The following FCHO2 variants were observed in gnomAD, a reference collection of about 807,000 sequenced individuals.
FCHO2 encodes F-BAR domain only protein 2.
Under a neutral mutation model 114.1 loss-of-function variants are expected in FCHO2, and 43 were observed. The ratio of observed to expected loss-of-function variants is 0.38; its 90% CI spans 0.30 to 0.49. The LOEUF is 0.49. Among genes scored for constraint, FCHO2 ranks in the 20% least tolerant of loss-of-function variants. The probability of loss-of-function intolerance (pLI) is 0.97; values close to 1 mark genes in which losing one functional copy is unlikely to be tolerated. For missense variants in FCHO2, 807 were observed against 950.4 expected (o/e 0.85, Z 1.98); for synonymous variants, 293 against 315.2 (o/e 0.93, Z 0.75).
Position 73,087,534 on chromosome 5 carries a change from A to G in FCHO2, c.2246-55A>G, listed in dbSNP as rs1743350641. On this transcript the variant is annotated intron_variant, in intron 24 of 25. Transcript: ENST00000430046. ...TTAGCTTACTTGCTCATTTGATTCT[A>G]TTTTGTTTGAAATGTATTTTACCCT... 11 of 1,579,994 alleles carry G rather than the reference A, an allele frequency of 7.0e-6. No homozygotes were observed. The South Asian group carries it at 1.0e-4, about 15-fold the overall frequency.
At chr5:73,034,227 C>T (rs956525795) in intron 8 of FCHO2, among the ~76,000 whole-genome samples, 3 of 151,944 alleles carry the variant, frequency 2.0e-5, no homozygotes, top group African/African-American at 7.3e-5. Flanking sequence ...AGATGAGGTC[C>T]CAAGCTTATG....
intron 7 of FCHO2, among the ~76,000 whole-genome samples, chr5:73,016,090 A>G (rs988681030): frequency 6.6e-6 from 1 of 152,070 alleles, no homozygotes; most frequent in Non-Finnish European, 1.5e-5. Flanking sequence ...TTCCACAAAT[A>G]TAAAAGGTTT....
chr5:73,056,853 G>C (rs1757620418), intron 16 of FCHO2, among the ~76,000 whole-genome samples: 2 of 152,010 alleles, frequency 1.3e-5, no homozygotes. Flanking sequence ...AGGCTAGAAG[G>C]CATGTTGCCA....
At chr5:73,072,011 G>C (rs1742680462) in intron 19 of FCHO2, among the ~76,000 whole-genome samples, 1 of 151,580 alleles carries the variant, frequency 6.6e-6, no homozygotes, top group Admixed American at 6.6e-5. Flanking sequence ...ATATTCATTT[G>C]TGTGAGTTAC....
intron 11 of FCHO2, among the ~76,000 whole-genome samples, chr5:73,048,424 G>A (rs1312139838): frequency 6.6e-6 from 1 of 152,066 alleles, no homozygotes; most frequent in East Asian, 1.9e-4. Context: ...CAGCCTGGGT[G>A]ACAGAGTGAG....
chr5:73,077,312 A>C, intron 20 of FCHO2, 26 bp from the exon 21 acceptor site: 2 of 1,545,724 alleles, frequency 1.3e-6, no homozygotes, highest in Middle Eastern at 1.7e-4. Flanking sequence ...ATTTTATTTA[A>C]ACACTTTTCA....
chr5:73,021,341 A>C, intron 8 of FCHO2: 1 of 395,936 alleles, frequency 2.5e-6, no homozygotes, highest in Non-Finnish European at 4.8e-6. Context: ...GGAGGGAAGG[A>C]GGGAGGGTGA....
chr5:72,961,707 GC>G (rs909704838), intron 1 of FCHO2, among the ~76,000 whole-genome samples: 26 of 151,946 alleles, frequency 1.7e-4, no homozygotes, highest in African/African-American at 6.3e-4. Flanking sequence ...CAATTCTCCT[GC>G]CTTAGCCTCC....
At chr5:73,035,872 C>T (rs1423756362) in intron 9 of FCHO2, among the ~76,000 whole-genome samples, 1 of 152,004 alleles carries the variant, frequency 6.6e-6, no homozygotes, top group African/African-American at 2.4e-5. Flanking sequence ...GAGACGGGGT[C>T]TTGCTCTGTC....
chr5:73,038,872 T>C (rs1756664120), intron 10 of FCHO2, among the ~76,000 whole-genome samples: 1 of 152,222 alleles, frequency 6.6e-6, no homozygotes, highest in Non-Finnish European at 1.5e-5. Context: ...AGTAAGTAAA[T>C]GTTTAAAATA....
chr5:73,077,537 A>G, intron 21 of FCHO2, 44 bp downstream of exon 21: 2 of 1,546,010 alleles, frequency 1.3e-6, no homozygotes, highest in Non-Finnish European at 1.7e-6. Context: ...TCGTTTTAAG[A>G]TTTTCTTTCC....
rs199703427 is a variant in FCHO2, at chr5:73,068,786, G to T, written c.1579+7G>T. 1.1e-4 allele frequency: 172 copies of T among 1,610,094 alleles called. No individual in the cohort carries two copies. In the East Asian group the frequency reaches 3.4e-3, roughly 32 times the overall value. On this transcript the variant is annotated splice_region_variant and intron_variant, in intron 19 of 25. Coordinates refer to ENST00000430046, the MANE Select transcript of FCHO2 (RefSeq NM_138782.3). ...GCCAATACTCCAACAGTAGGTAAGTGATTATCATCAATTACATGTGAAATG... is the reference window on the plus strand; with the variant it reads ...GCCAATACTCCAACAGTAGGTAAGTTATTATCATCAATTACATGTGAAATG...
At chr5:72,958,441 A>T (rs1751675379) in intron 1 of FCHO2, among the ~76,000 whole-genome samples, 1 of 152,164 alleles carries the variant, frequency 6.6e-6, no homozygotes, top group South Asian at 2.1e-4. Flanking sequence ...GAAAAGGTTC[A>T]TCTTTCCCCG....
chr5:73,052,489 ACT>A lies in FCHO2; in HGVS notation c.1159_1160del (p.Ser387ProfsTer5), dbSNP rs1212392710. ...TAAAAGTATCTATAGGGAATATAAC[ACT>A]CTCCCCAGCAATATCTGTAAGTACA... ...ELKVSIGNITLSPAISRHSPV... is the reference protein window; with the variant it reads ...ELKVSIGNITXSPAISRHSPV... On this transcript the variant is annotated frameshift_variant, in exon 13 of 26. Coordinates refer to ENST00000430046, the MANE Select transcript of FCHO2 (RefSeq NM_138782.3). LOFTEE classifies it high-confidence loss of function. The A allele has an allele frequency of 1.3e-6, 2 of 1,589,728 alleles. No individual in the cohort carries two copies. Among genetic ancestry groups the A allele is most frequent in the Non-Finnish European group, 8.6e-7 (1 of 1,167,392 alleles).
chr5:73,035,704 T>C (rs530615244), intron 9 of FCHO2, among the ~76,000 whole-genome samples: 60 of 152,132 alleles, frequency 3.9e-4, no homozygotes, highest in Non-Finnish European at 6.5e-4. Flanking sequence ...GGTTTCACCA[T>C]GTTGGCTAGG....
chr5:72,968,733 G>T, intron 2 of FCHO2, 144 bp downstream of exon 2: 1 of 608,882 alleles, frequency 1.6e-6, no homozygotes, highest in South Asian at 2.5e-5. Context: ...CTATCTATTT[G>T]TATCTATCAT....
chr5:73,012,966 C>CA (rs1460717687), intron 6 of FCHO2, among the ~76,000 whole-genome samples: 1 of 152,148 alleles, frequency 6.6e-6, no homozygotes, highest in Non-Finnish European at 1.5e-5. Flanking sequence ...GGAATGAAGA[C>CA]AGTTTCCTCG....
chr5:72,984,826 AG>A (rs1319719850), intron 2 of FCHO2, among the ~76,000 whole-genome samples: 1 of 151,770 alleles, frequency 6.6e-6, no homozygotes. Context: ...TGTAGAGATG[AG>A]GGTTCACCAG....
intron 1 of FCHO2, among the ~76,000 whole-genome samples, chr5:72,963,544 C>T (rs983935302): frequency 2.0e-5 from 3 of 151,896 alleles, no homozygotes; most frequent in Non-Finnish European, 2.9e-5. Context: ...AATGGATAGG[C>T]TGTAAATTTT....
Sources: gnomAD v4.1 joint callset for allele counts (sites outside exome capture counted in the v4.1 genomes callset) on GRCh38, gnomAD v4.1.1 for gene constraint, MANE v1.5 for transcripts, NCBI Gene and HGNC (gene_info 2026-07-23, HGNC 2026-07-21) for gene names.